Variants in EPHA5 observed in about 807,000 individuals in gnomAD.
EPHA5 encodes EPH receptor A5, also known as ephrin type-A receptor 5.
In EPHA5, 60 loss-of-function variants were observed where a neutral mutation model predicts 105.0. That is an observed-to-expected ratio of 0.57 (90% CI 0.46 to 0.71). The LOEUF is 0.71. EPHA5 is among the 30% of genes least tolerant of loss of function. The pLI is 0.00. For missense variants in EPHA5, 1,218 were observed against 1,274.7 expected, an observed-to-expected ratio of 0.96 and a Z score of 0.68; for synonymous variants, 513 against 449.1, an observed-to-expected ratio of 1.14 and a Z score of -1.80.
At chr4:65,458,073 CAAAAA>C (rs10565968) in intron 5 of EPHA5, among the ~76,000 whole-genome samples, 60 of 72,580 alleles carry the variant, frequency 8.3e-4, no homozygotes, top group African/African-American at 3.0e-3. Flanking sequence ...CACTCCATCC[CAAAAA>C]AAAAAAAAAA....
At chr4:65,568,634 T>C (rs570246556) in intron 3 of EPHA5, among the ~76,000 whole-genome samples, 155 of 151,200 alleles carry the variant, frequency 1.0e-3, no homozygotes, top group African/African-American at 3.7e-3. Flanking sequence ...ATTACTATCA[T>C]CCCATTTTCA....
chr4:65,420,851 G>T (rs1723884219), intron 5 of EPHA5, among the ~76,000 whole-genome samples: 1 of 151,818 alleles, frequency 6.6e-6, no homozygotes, highest in African/African-American at 2.4e-5. Flanking sequence ...ATAGAATAAA[G>T]ATATTCCTGA....
chr4:65,376,836 T>C (rs1298905519), intron 8 of EPHA5, among the ~76,000 whole-genome samples: 1 of 152,080 alleles, frequency 6.6e-6, no homozygotes, highest in Non-Finnish European at 1.5e-5. Context: ...ATGTATAATA[T>C]TTATTTGAAA....
intron 1 of EPHA5, among the ~76,000 whole-genome samples, chr4:65,655,524 G>T (rs1748980263): frequency 6.6e-6 from 1 of 152,068 alleles, no homozygotes; most frequent in Non-Finnish European, 1.5e-5. Flanking sequence ...ATGTCAAATT[G>T]CAATAATAGT....
At chr4:65,418,401 G>A (rs1012074968) in intron 6 of EPHA5, among the ~76,000 whole-genome samples, 4 of 152,132 alleles carry the variant, frequency 2.6e-5, no homozygotes, top group African/African-American at 9.7e-5. Flanking sequence ...AGTAATCAGT[G>A]AGAAAGTTTA....
rs1560721180 is a variant in EPHA5 at position 65,576,063 on chromosome 4, GAAAA to G, written c.910+25574_910+25577del. On this transcript the variant is annotated intron_variant, in intron 3 of 16. Transcript: ENST00000613740. ...GAAAGAAAGAAAGAAAGAAAGAAAA[GAAAA>G]GAAAAGAAAAGAAAAGAAAAGAAAA... Among the ~76,000 whole-genome samples the G allele has an allele frequency of 8.9e-5, 5 of 56,054 alleles. No individual in the cohort carries two copies. The South Asian group carries it at 2.1e-3, about 23-fold the overall frequency. 36.8% of individuals were successfully genotyped at this position (56,054 alleles called of 152,430 possible).
intron 3 of EPHA5, among the ~76,000 whole-genome samples, chr4:65,547,010 C>G (rs1356903553): frequency 6.6e-6 from 1 of 152,022 alleles, no homozygotes; most frequent in Non-Finnish European, 1.5e-5. Flanking sequence ...AGCAAAAATT[C>G]TGTGATGGAA....
At chr4:65,418,928 G>C (rs1043996846) in intron 6 of EPHA5, among the ~76,000 whole-genome samples, 4 of 105,298 alleles carry the variant, frequency 3.8e-5, no homozygotes, top group Non-Finnish European at 5.2e-5. Flanking sequence ...TTGTTGCCCA[G>C]ACTGGAGTGC....
intron 7 of EPHA5, among the ~76,000 whole-genome samples, chr4:65,408,388 C>T (rs1196959075): frequency 2.0e-5 from 3 of 151,808 alleles, no homozygotes; most frequent in Admixed American, 1.3e-4. Context: ...GGAAAAACAG[C>T]TGGGAAATAT....
intron 3 of EPHA5, among the ~76,000 whole-genome samples, chr4:65,551,091 CAT>C (rs1016389372): frequency 6.0e-5 from 9 of 151,040 alleles, no homozygotes; most frequent in African/African-American, 2.2e-4. Context: ...TGTATATTCA[CAT>C]ATATGTGTAT....
chr4:65,356,079 AC>A (rs1176464176), intron 11 of EPHA5, among the ~76,000 whole-genome samples: 1 of 151,276 alleles, frequency 6.6e-6, no homozygotes, highest in African/African-American at 2.4e-5. Context: ...CCTGCTTGGC[AC>A]CTCTCAGCTC....
intron 8 of EPHA5, among the ~76,000 whole-genome samples, chr4:65,388,901 C>G (rs1011649245): frequency 9.9e-5 from 15 of 151,894 alleles, no homozygotes; most frequent in Non-Finnish European, 1.0e-4. Flanking sequence ...TGCCTATGTC[C>G]TGAATGGTAA....
At chr4:65,611,099 G>T (rs1365489845) in intron 2 of EPHA5, among the ~76,000 whole-genome samples, 1 of 152,064 alleles carries the variant, frequency 6.6e-6, no homozygotes, top group Non-Finnish European at 1.5e-5. Flanking sequence ...TTACCATGTA[G>T]ATTTTAAGGT....
intron 3 of EPHA5, among the ~76,000 whole-genome samples, chr4:65,598,331 C>A (rs935637035): frequency 1.3e-5 from 2 of 151,980 alleles, no homozygotes; most frequent in African/African-American, 4.8e-5. Flanking sequence ...AATTTTCAGA[C>A]CAAGGAGATA....
chr4:65,495,328 A>AT (rs1324700411), intron 4 of EPHA5, 60 bp downstream of exon 4: 1 of 1,532,406 alleles, frequency 6.5e-7, no homozygotes, highest in African/African-American at 1.4e-5. Flanking sequence ...AGGCTCCATC[A>AT]TGCTGTTTCC....
intron 8 of EPHA5, among the ~76,000 whole-genome samples, chr4:65,380,951 T>C (rs1577967372): frequency 6.6e-6 from 1 of 151,746 alleles, no homozygotes. Context: ...AATATATCCA[T>C]TACTAGATGC....
intron 2 of EPHA5, among the ~76,000 whole-genome samples, chr4:65,613,592 C>T (rs1744968415): frequency 6.6e-6 from 1 of 151,648 alleles, no homozygotes; most frequent in Non-Finnish European, 1.5e-5. Flanking sequence ...TTTTTTTAGC[C>T]ACTTAGTTAA....
rs566904797 is a variant in EPHA5, at chr4:65,324,989, T to C, written c.2946-770A>G. On this transcript the variant is annotated intron_variant, in intron 16 of 16. Coordinates refer to ENST00000613740, the MANE Select transcript of EPHA5 (RefSeq NM_001281766.3). The stretch of plus-strand genomic sequence containing the variant: ...GACAAGTGGCCATGGTTTTTCAACG[T>C]TCTTTTACAGGATGTTTAGGAATGC... 9.3e-4 allele frequency among the ~76,000 whole-genome samples: 141 copies of C among 151,540 alleles called. 1 individual carries two copies. The highest frequency in any genetic ancestry group is 3.3e-3 in the African/African-American group (136 of 41,456).
At chr4:65,500,623 T>C (rs1328245937) in intron 3 of EPHA5, among the ~76,000 whole-genome samples, 1 of 151,050 alleles carries the variant, frequency 6.6e-6, no homozygotes, top group Non-Finnish European at 1.5e-5. Context: ...ATGTCTCCAA[T>C]ATATTTTACC....
Sources: gnomAD v4.1 joint callset for allele counts (sites outside exome capture counted in the v4.1 genomes callset) on GRCh38, gnomAD v4.1.1 for gene constraint, MANE v1.5 for transcripts, NCBI Gene and HGNC (gene_info 2026-07-23, HGNC 2026-07-21) for gene names.